Variants in MPHOSPH9 observed in about 807,000 individuals in gnomAD.
MPHOSPH9 encodes the protein M-phase phosphoprotein 9.
Under a neutral mutation model 145.5 loss-of-function variants are expected in MPHOSPH9, and 88 were observed. The observed-to-expected ratio is 0.60, with a 90% CI of 0.51 to 0.72. The LOEUF is 0.72. MPHOSPH9 is among the 30% of genes least tolerant of loss of function. The probability of loss-of-function intolerance (pLI) is 0.00; values close to 1 mark genes in which losing one functional copy is unlikely to be tolerated. For missense variants in MPHOSPH9, 1,238 were observed against 1,386.6 expected, an observed-to-expected ratio of 0.89 and a Z score of 1.70; for synonymous variants, 435 against 486.2, an observed-to-expected ratio of 0.89 and a Z score of 1.39.
At chr12:123,197,928 CA>C (rs1461446145) in intron 12 of MPHOSPH9, among the ~76,000 whole-genome samples, 1 of 148,468 alleles carries the variant, frequency 6.7e-6, no homozygotes, top group Non-Finnish European at 1.5e-5. Context: ...CTAAAAAATA[CA>C]AAAAATTAGC....
In MPHOSPH9 at chr12:123,160,785, T is replaced by C. The variant is rs1404415520; in HGVS notation, c.3446A>G (p.Asn1149Ser). The C allele has an allele frequency of 6.2e-7, 1 of 1,613,778 alleles. No individual in the cohort carries two copies. Among genetic ancestry groups the C allele is most frequent in the East Asian group, 2.2e-5 (1 of 44,862 alleles). ...GGRITLQTRLNQEALEDRLER... is the reference protein window; with the variant it reads ...GGRITLQTRLSQEALEDRLER... ...ATTCAAGCTAAGACATTTCACCTGA[T>C]TTAATCTTGTCTGTAAAGTGATTCG... The change falls in exon 23 of 24, where the codon AAT becomes AGT. Residue 1149 changes from asparagine (N) to serine (S), a missense_variant. This residue lies in a region of MPHOSPH9 where 393 missense variants were observed against 462.5 expected (regional missense o/e 0.85). Transcript: ENST00000606320.
chr12:123,241,973 A>G (rs1045296245), intron 1 of MPHOSPH9, among the ~76,000 whole-genome samples: 2 of 152,196 alleles, frequency 1.3e-5, no homozygotes, highest in Admixed American at 1.3e-4. Flanking sequence ...ACTGCTCTAT[A>G]GTATGTTATC....
At chr12:123,229,473 TG>T (rs1233981929) in intron 2 of MPHOSPH9, among the ~76,000 whole-genome samples, 1 of 152,362 alleles carries the variant, frequency 6.6e-6, no homozygotes, top group Admixed American at 6.5e-5. Context: ...AAACACACTT[TG>T]ATAACATCTA....
At chr12:123,193,110 C>CATAT (rs1491529187) in intron 13 of MPHOSPH9, among the ~76,000 whole-genome samples, 4 of 45,498 alleles carry the variant, frequency 8.8e-5, no homozygotes, top group African/African-American at 2.5e-4. Flanking sequence ...TATATATATA[C>CATAT]ACACACACAC....
chr12:123,168,893 T>C (rs1198919640), intron 16 of MPHOSPH9, among the ~76,000 whole-genome samples: 1 of 151,590 alleles, frequency 6.6e-6, no homozygotes, highest in African/African-American at 2.4e-5. Flanking sequence ...CCCTCAGTTT[T>C]TTTTTTTTTG....
chr12:123,173,933 T>G (rs1181839154), intron 16 of MPHOSPH9, among the ~76,000 whole-genome samples: 1 of 152,144 alleles, frequency 6.6e-6, no homozygotes, highest in Non-Finnish European at 1.5e-5. Context: ...GGTTAGACGT[T>G]TTGGAGGCCT....
chr12:123,163,873 G>C (rs1296236696), intron 19 of MPHOSPH9, 77 bp downstream of exon 19: 2 of 1,567,388 alleles, frequency 1.3e-6, no homozygotes, highest in East Asian at 4.5e-5. Context: ...CCAGAAACAG[G>C]CAAGCAGCGG....
upstream of MPHOSPH9, among the ~76,000 whole-genome samples, chr12:123,234,728 T>C (rs1216351022): frequency 6.6e-6 from 1 of 152,236 alleles, no homozygotes; most frequent in Middle Eastern, 3.2e-3. Context: ...TGTTATCCTA[T>C]CTTTCATGAT....
chr12:123,223,452 C>T (rs769362421), intron 3 of MPHOSPH9, among the ~76,000 whole-genome samples: 8 of 152,220 alleles, frequency 5.3e-5, no homozygotes, highest in East Asian at 1.9e-4. Context: ...TCTCCTTAGA[C>T]GGCTCTGCAC....
At chr12:123,206,099 C>G (rs1432788694) in intron 8 of MPHOSPH9, among the ~76,000 whole-genome samples, 3 of 152,046 alleles carry the variant, frequency 2.0e-5, no homozygotes. Context: ...CGCTGATGCT[C>G]TTGGTGGGCT....
At chr12:123,177,089 C>G (rs2044906740) in intron 15 of MPHOSPH9, among the ~76,000 whole-genome samples, 1 of 152,042 alleles carries the variant, frequency 6.6e-6, no homozygotes, top group African/African-American at 2.4e-5. Context: ...ACTCGGGGGG[C>G]TGAGGCAGGA....
At chr12:123,193,530 G>A (rs2045801890) in intron 13 of MPHOSPH9, among the ~76,000 whole-genome samples, 1 of 151,978 alleles carries the variant, frequency 6.6e-6, no homozygotes, top group Non-Finnish European at 1.5e-5. Context: ...CACACGTGTA[G>A]ACCCAGCTAC....
Position 123,156,684 on chromosome 12 carries a change from T to C in MPHOSPH9, c.*123A>G, listed in dbSNP as rs1009998920. The stretch of plus-strand genomic sequence containing the variant: ...AAGTATAAAATAGCAAGTGTAAGAA[T>C]AGCATGATTGTAAAACTACTGTTTG... On this transcript the variant is annotated 3_prime_UTR_variant, in exon 24 of 24. Coordinates refer to ENST00000606320, the MANE Select transcript of MPHOSPH9 (RefSeq NM_022782.4). The C allele has an allele frequency of 2.1e-5, 12 of 580,176 alleles. No individual in the cohort carries two copies. Among genetic ancestry groups the C allele is most frequent in the African/African-American group, 1.7e-4 (9 of 54,110 alleles). The allele number at this position is 580,176 out of a possible 1,614,324, so 35.9% of individuals were successfully genotyped here.
rs773300669 is a variant in MPHOSPH9, at chr12:123,202,604, C to G, written c.1781+20G>C. ...ACAGAAAATCTATTAACATTACAAG[C>G]CATTCACTGAAATACATACTTAGAC... On this transcript the variant is annotated intron_variant, in intron 10 of 23. Transcript: ENST00000606320. 7.6e-6 allele frequency: 12 copies of G among 1,582,996 alleles called. No homozygotes were observed. Among genetic ancestry groups the G allele is most frequent in the Non-Finnish European group, 1.0e-5 (12 of 1,155,478 alleles).
At chr12:123,241,087 A>C (rs528599825) in intron 1 of MPHOSPH9, among the ~76,000 whole-genome samples, 2 of 151,660 alleles carry the variant, frequency 1.3e-5, no homozygotes, top group Admixed American at 1.3e-4. Flanking sequence ...CTCCAAAGTG[A>C]GAGCTGTTGA....
chr12:123,230,789 T>C (rs972822993), intron 1 of MPHOSPH9, among the ~76,000 whole-genome samples: 3 of 152,166 alleles, frequency 2.0e-5, no homozygotes, highest in Non-Finnish European at 2.9e-5. Context: ...GAAGATACTA[T>C]GCTAAGTAAA....
At position 123,221,485 on chromosome 12, in the gene MPHOSPH9, A is replaced by T; in HGVS notation, c.759T>A (p.Pro253=). Residue 253 remains proline, a synonymous_variant, in exon 5 of 24, where the codon CCT becomes CCA. Coordinates refer to ENST00000606320, the MANE Select transcript of MPHOSPH9 (RefSeq NM_022782.4). ...CCTTTAAAGACACATGACACTCTTC[A>T]GGAGTCTGTATATAAAAATTCTCAT... ...VKNENFYIQT[P]EECHVSLKED... is the part of the protein sequence containing the mutation. 1 of 1,614,120 alleles carries T rather than the reference A, an allele frequency of 6.2e-7. No homozygotes were observed. The highest frequency in any genetic ancestry group is 8.5e-7 in the Non-Finnish European group (1 of 1,179,944).
chr12:123,210,978 T>C (rs1201326025), intron 7 of MPHOSPH9, among the ~76,000 whole-genome samples: 2 of 75,622 alleles, frequency 2.6e-5, no homozygotes, highest in East Asian at 4.6e-4. Context: ...TTGTTTTTTC[T>C]TTTTTTTTTT....
intron 12 of MPHOSPH9, 52 bp downstream of exon 12, chr12:123,198,195 C>A (rs376810308): frequency 1.0e-5 from 14 of 1,341,230 alleles, no homozygotes; most frequent in Admixed American, 7.9e-5. Context: ...GATGTTATCA[C>A]GAAATAATTC....
Sources: allele counts gnomAD v4.1 joint callset (sites outside exome capture counted in the v4.1 genomes callset), GRCh38; gene constraint gnomAD v4.1.1; regional missense constraint gnomAD v4.1.1; transcripts MANE v1.5; gene names NCBI Gene and HGNC (gene_info 2026-07-23, HGNC 2026-07-21).